The following C2CD5 variants were observed in gnomAD, a reference collection of about 807,000 sequenced individuals.
C2CD5 encodes C2 calcium dependent domain containing 5, also known as C2 domain-containing protein 5.
A neutral mutation model predicts 130.3 loss-of-function variants in C2CD5; 109 were observed. That is an observed-to-expected ratio of 0.84 (90% CI 0.72 to 0.98). The LOEUF (loss-of-function observed/expected upper bound fraction) is 0.98, where lower values mean the gene tolerates loss of function less well. Ranked by LOEUF, C2CD5 falls within the 50% of genes least tolerant of loss-of-function variation. The pLI is 0.00. For synonymous variants in C2CD5, 454 were observed against 429.2 expected (o/e 1.06, Z -0.71); for missense variants, 996 against 1,261.8 (o/e 0.79, Z 3.19).
At chr12:22,519,352 T>C (rs1565779849) in intron 7 of C2CD5, 1 of 810,332 alleles carries the variant, frequency 1.2e-6, no homozygotes, top group East Asian at 3.0e-5. Context: ...GAACTTATTT[T>C]TTTAATCCCT....
At chr12:22,490,898 A>C (rs536562392) in intron 11 of C2CD5, among the ~76,000 whole-genome samples, 1 of 152,330 alleles carries the variant, frequency 6.6e-6, no homozygotes, top group South Asian at 2.1e-4. Flanking sequence ...GCTGAAAACC[A>C]GGTATAAATA....
At chr12:22,485,896 T>C (rs1157119033) in intron 12 of C2CD5, among the ~76,000 whole-genome samples, 3 of 145,382 alleles carry the variant, frequency 2.1e-5, no homozygotes, top group Non-Finnish European at 4.6e-5. Flanking sequence ...TTCCTTCTAC[T>C]CTCCTACATT....
At chr12:22,530,460 ATT>A (rs1006659124) in intron 3 of C2CD5, among the ~76,000 whole-genome samples, 3 of 143,918 alleles carry the variant, frequency 2.1e-5, no homozygotes, top group African/African-American at 2.5e-5. Flanking sequence ...AACTTACTAA[ATT>A]TTTTTTTTTT....
At chr12:22,544,016 G>A (rs1952687171) in intron 2 of C2CD5, 45 bp downstream of exon 2, 3 of 1,444,556 alleles carry the variant, frequency 2.1e-6, no homozygotes, top group African/African-American at 2.8e-5. Flanking sequence ...TCCTTCACAG[G>A]GCTTGGCGCT....
At chr12:22,474,689 C>A (rs1008707227) in intron 16 of C2CD5, 62 bp downstream of exon 16, 6 of 1,212,562 alleles carry the variant, frequency 4.9e-6, no homozygotes, top group South Asian at 1.8e-5. Context: ...TAATTTAGCA[C>A]GTGAAAAAAT....
At position 22,472,706 on chromosome 12, in the gene C2CD5, A is replaced by T. The variant is rs771852535; in HGVS notation, c.2107+38T>A. On this transcript the variant is annotated intron_variant, in intron 17 of 26. Transcript: ENST00000446597. ...ATTATGAGCTAAAACATTTATATGTAAAACTAGTTTCATCTCAAAGATAAC... is the reference window on the plus strand; with the variant it reads ...ATTATGAGCTAAAACATTTATATGTTAAACTAGTTTCATCTCAAAGATAAC... 1.3e-5 allele frequency: 14 copies of T among 1,115,878 alleles called. 1 individual carries two copies. The South Asian group carries it at 1.7e-4, about 14-fold the overall frequency. The allele number at this position is 1,115,878 out of a possible 1,614,324, so 69.1% of individuals were successfully genotyped here. A position where few individuals can be genotyped will look rare whatever the true frequency, so the allele number is the denominator to read the frequency against.
chr12:22,520,683 T>A (rs552021543), intron 7 of C2CD5, among the ~76,000 whole-genome samples: 7 of 152,252 alleles, frequency 4.6e-5, no homozygotes, highest in African/African-American at 1.7e-4. Context: ...CTATATTTAT[T>A]ATAATCAGTA....
chr12:22,504,167 T>G (rs1948166281), intron 10 of C2CD5, among the ~76,000 whole-genome samples: 1 of 152,130 alleles, frequency 6.6e-6, no homozygotes, highest in Non-Finnish European at 1.5e-5. Context: ...GCAGTTCGTT[T>G]TTTTTTTTAA....
intron 3 of C2CD5, among the ~76,000 whole-genome samples, chr12:22,528,271 C>A (rs2137103208): frequency 6.6e-6 from 1 of 152,230 alleles, no homozygotes; most frequent in African/African-American, 2.4e-5. Flanking sequence ...GCTAATTGAG[C>A]ACAATGACAC....
chr12:22,526,322 A>C (rs1442160023), intron 4 of C2CD5, among the ~76,000 whole-genome samples: 1 of 152,208 alleles, frequency 6.6e-6, no homozygotes, highest in East Asian at 1.9e-4. Context: ...TACACGATGT[A>C]CTAAACACTT....
chr12:22,472,009 A>G lies in C2CD5; in HGVS notation c.2226T>C (p.Ala742=). 1.2e-6 allele frequency: 2 copies of G among 1,610,048 alleles called. No individual in the cohort carries two copies. Among genetic ancestry groups the G allele is most frequent in the Non-Finnish European group, 8.5e-7 (1 of 1,177,022 alleles). The change falls in exon 19 of 27, where the codon GCT becomes GCC. Residue 742 remains alanine, a synonymous_variant. Transcript: ENST00000446597. Reference sequence around the variant, plus strand: ...AGAGATCATTAAAGTTCTTATTGAGAGCTTGATTAGTCAGGTTGAGGCTGC... The same window carrying G: ...AGAGATCATTAAAGTTCTTATTGAGGGCTTGATTAGTCAGGTTGAGGCTGC... ...RLSSLNLTNQ[A]LNKNFNDLCE...
At chr12:22,535,593 G>A (rs754064094) in intron 2 of C2CD5, among the ~76,000 whole-genome samples, 3 of 151,928 alleles carry the variant, frequency 2.0e-5, no homozygotes, top group Non-Finnish European at 2.9e-5. Context: ...AACTTCCTCC[G>A]TTTCTAAAGA....
At chr12:22,478,556 TG>T in intron 14 of C2CD5, 79 bp from the exon 15 acceptor site, 1 of 1,285,066 alleles carries the variant, frequency 7.8e-7, no homozygotes, top group Non-Finnish European at 1.1e-6. Context: ...TTTAAGAATG[TG>T]GTCAACAGCT....
intron 7 of C2CD5, among the ~76,000 whole-genome samples, chr12:22,521,590 C>T (rs1950271282): frequency 6.6e-6 from 1 of 151,434 alleles, no homozygotes; most frequent in African/African-American, 2.4e-5. Context: ...CTGAATACCT[C>T]AAAAAGCTAA....
chr12:22,534,106 T>C (rs1460182163), intron 3 of C2CD5, among the ~76,000 whole-genome samples: 2 of 152,198 alleles, frequency 1.3e-5, no homozygotes, highest in Non-Finnish European at 2.9e-5. Context: ...GAGAATCGCT[T>C]GAACCCAGCA....
chr12:22,538,406 T>C (rs543941874), intron 2 of C2CD5, among the ~76,000 whole-genome samples: 139 of 152,304 alleles, frequency 9.1e-4, no homozygotes, highest in African/African-American at 3.1e-3. Flanking sequence ...ATAAGCAGAT[T>C]TGGGAATAAA....
intron 3 of C2CD5, among the ~76,000 whole-genome samples, chr12:22,530,448 G>A (rs1951168664): frequency 6.6e-6 from 1 of 151,064 alleles, no homozygotes; most frequent in African/African-American, 2.4e-5. Context: ...AGTCAAAACA[G>A]TAACTTACTA....
chr12:22,469,124 A>C (rs1942590074), intron 22 of C2CD5, among the ~76,000 whole-genome samples: 1 of 152,180 alleles, frequency 6.6e-6, no homozygotes, highest in Non-Finnish European at 1.5e-5. Flanking sequence ...GATTATGCAG[A>C]TCAAAATAGA....
chr12:22,504,574 T>C (rs765405490), intron 10 of C2CD5, among the ~76,000 whole-genome samples: 55 of 152,138 alleles, frequency 3.6e-4, no homozygotes, highest in Non-Finnish European at 7.6e-4. Context: ...TCCCAAAGTG[T>C]TGGGATTACA....
Sources: gnomAD v4.1 joint callset for allele counts (sites outside exome capture counted in the v4.1 genomes callset) on GRCh38, gnomAD v4.1.1 for gene constraint, MANE v1.5 for transcripts, NCBI Gene and HGNC (gene_info 2026-07-23, HGNC 2026-07-21) for gene names.